The following DNAJC15 variants were observed in gnomAD, a reference collection of about 807,000 sequenced individuals.
DNAJC15 encodes the protein dnaJ homolog subfamily C member 15.
DNAJC15 carries 27 observed loss-of-function variants against 22.4 expected under a neutral mutation model. The ratio of observed to expected loss-of-function variants is 1.20; its 90% CI spans 0.89 to 1.66. DNAJC15 has a LOEUF of 1.66. Ranked by LOEUF, DNAJC15 falls within the 40% of genes most tolerant of loss-of-function variation. DNAJC15 has a pLI of 0.00. For missense variants in DNAJC15, 208 were observed against 187.1 expected, an observed-to-expected ratio of 1.11 and a Z score of -0.65; for synonymous variants, 79 against 63.2, an observed-to-expected ratio of 1.25 and a Z score of -1.19.
At chr13:43,083,848 T>A (rs1007101965) in intron 4 of DNAJC15, among the ~76,000 whole-genome samples, 1 of 152,214 alleles carries the variant, frequency 6.6e-6, no homozygotes, top group African/African-American at 2.4e-5. Flanking sequence ...TTTAGAATGC[T>A]GCTTCAAAGA....
At chr13:43,044,242 C>G (rs2040466284) in intron 1 of DNAJC15, among the ~76,000 whole-genome samples, 1 of 152,108 alleles carries the variant, frequency 6.6e-6, no homozygotes, top group Non-Finnish European at 1.5e-5. Flanking sequence ...AAGTGATTTG[C>G]TTGTGATTAA....
chr13:43,099,135 T>C (rs908913107), intron 5 of DNAJC15, among the ~76,000 whole-genome samples: 1 of 152,186 alleles, frequency 6.6e-6, no homozygotes, highest in Non-Finnish European at 1.5e-5. Context: ...ATTCCTATTT[T>C]ATTCTTTTTA....
chr13:43,043,630 AT>A (rs1381816589), intron 1 of DNAJC15, among the ~76,000 whole-genome samples: 1 of 152,206 alleles, frequency 6.6e-6, no homozygotes, highest in Non-Finnish European at 1.5e-5. Context: ...AGTAACATTC[AT>A]TTGGGGTAAG....
Position 43,068,965 on chromosome 13 carries a change from C to A in DNAJC15, c.196C>A (p.Gln66Lys). 6.2e-7 allele frequency: 1 copy of A among 1,613,002 alleles called. No homozygotes were observed. The highest frequency in any genetic ancestry group is 8.5e-7 in the Non-Finnish European group (1 of 1,179,464). Residue 66 changes from glutamine (Q) to lysine (K), a missense_variant, in exon 3 of 6, where the codon CAA becomes AAA. Gln to Lys is a moderately conservative substitution (Grantham distance 53). Transcript: ENST00000379221. Reference protein sequence around the residue: ...YAFRIWKPLEQVITETAKKIS... With the variant: ...YAFRIWKPLEKVITETAKKIS... ...ATTTCGGATCTGGAAACCTCTAGAA[C>A]AAGTTATCACAGAAACTGCAAAGAA...
intron 5 of DNAJC15, among the ~76,000 whole-genome samples, chr13:43,087,224 G>A (rs2040692876): frequency 6.6e-6 from 1 of 152,062 alleles, no homozygotes; most frequent in South Asian, 2.1e-4. Flanking sequence ...GACAACTGTG[G>A]ACTTTTTTTC....
rs140377564 is a variant in DNAJC15 at position 43,066,723 on chromosome 13, T to C, written c.160+986T>C. 7.5e-3 allele frequency among the ~76,000 whole-genome samples: 1,149 copies of C among 152,212 alleles called. 16 individuals carry two copies. The highest frequency in any genetic ancestry group is 0.026 in the African/African-American group (1,087 of 41,536). ...CTTCAAGCTCCGCCTCCCGGGTTCA[T>C]GCCATTCTCCTGCCTCAGCCTCCCG... On this transcript the variant is annotated intron_variant, in intron 2 of 5. Transcript: ENST00000379221.
At chr13:43,040,452 G>A (rs930692429) in intron 1 of DNAJC15, among the ~76,000 whole-genome samples, 3 of 152,196 alleles carry the variant, frequency 2.0e-5, no homozygotes, top group African/African-American at 7.2e-5. Flanking sequence ...ATGTTAAGTA[G>A]ATGGAAGTTG....
intron 5 of DNAJC15, among the ~76,000 whole-genome samples, chr13:43,092,758 A>T (rs1045914426): frequency 3.3e-5 from 5 of 152,126 alleles, no homozygotes; most frequent in African/African-American, 7.2e-5. Flanking sequence ...GTAAAAATTT[A>T]AAAAAATTAG....
intron 3 of DNAJC15, among the ~76,000 whole-genome samples, chr13:43,069,360 C>T (rs998972713): frequency 6.6e-6 from 1 of 152,158 alleles, no homozygotes; most frequent in Non-Finnish European, 1.5e-5. Context: ...AGCTGATGAA[C>T]AAAGAAGACA....
intron 2 of DNAJC15, among the ~76,000 whole-genome samples, chr13:43,066,073 A>G (rs1453371184): frequency 1.3e-5 from 2 of 151,998 alleles, no homozygotes; most frequent in African/African-American, 4.8e-5. Flanking sequence ...TTATTCTCCC[A>G]TATTTATTTT....
chr13:43,083,820 T>C (rs576846958), intron 4 of DNAJC15, among the ~76,000 whole-genome samples: 1 of 152,298 alleles, frequency 6.6e-6, no homozygotes, highest in East Asian at 1.9e-4. Flanking sequence ...GGGAGGTACC[T>C]ACAAGCCAAA....
chr13:43,103,238 G>C (rs984345525), intron 5 of DNAJC15, among the ~76,000 whole-genome samples: 1 of 152,064 alleles, frequency 6.6e-6, no homozygotes, highest in Non-Finnish European at 1.5e-5. Flanking sequence ...AACAGACTCC[G>C]TTTCAATGTT....
At chr13:43,034,305 CTTTTTTTTTTTTTTTTT>C (rs753362468) in intron 1 of DNAJC15, among the ~76,000 whole-genome samples, 23 of 60,608 alleles carry the variant, frequency 3.8e-4, no homozygotes, top group African/African-American at 1.5e-3. Flanking sequence ...GAGATTTGTC[CTTTTTTTTTTTTTTTTT>C]TTTTTTTTTT....
In DNAJC15 at chr13:43,085,805, A is replaced by C. The variant is rs2040685195; in HGVS notation, c.349A>C (p.Arg117=). ...AGKAKIRTAH[R]RVMILNHPDK... ...CAAGGCTAAGATTAGAACAGCTCATAGGAGAGTCATGATTTTGAATCACCC... is the reference window on the plus strand; with the variant it reads ...CAAGGCTAAGATTAGAACAGCTCATCGGAGAGTCATGATTTTGAATCACCC... Residue 117 remains arginine (R), a synonymous_variant, in exon 5 of 6, where the codon AGG becomes CGG. Coordinates refer to ENST00000379221, the MANE Select transcript of DNAJC15 (RefSeq NM_013238.3). The C allele has an allele frequency of 6.2e-7, 1 of 1,613,716 alleles. No homozygotes were observed. The highest frequency in any genetic ancestry group is 1.7e-4 in the Middle Eastern group (1 of 6,052).
intron 2 of DNAJC15, among the ~76,000 whole-genome samples, chr13:43,068,206 G>T (rs774959443): frequency 2.0e-5 from 3 of 152,062 alleles, no homozygotes; most frequent in Non-Finnish European, 4.4e-5. Context: ...TCTGATTGGG[G>T]TGCAAAAGAT....
chr13:43,083,848 T>C (rs1007101965), intron 4 of DNAJC15, among the ~76,000 whole-genome samples: 5 of 152,214 alleles, frequency 3.3e-5, no homozygotes, highest in African/African-American at 9.6e-5. Flanking sequence ...TTTAGAATGC[T>C]GCTTCAAAGA....
chr13:43,080,522 G>A (rs10870768), intron 4 of DNAJC15, among the ~76,000 whole-genome samples: 31,921 of 152,176 alleles, frequency 0.21, 4,328 homozygotes, highest in Non-Finnish European at 0.3. Context: ...GTGAACATAT[G>A]TCTGCAACAC....
At chr13:43,067,484 T>G (rs1223327505) in intron 2 of DNAJC15, among the ~76,000 whole-genome samples, 1 of 152,204 alleles carries the variant, frequency 6.6e-6, no homozygotes, top group Non-Finnish European at 1.5e-5. Context: ...AGTTATGAAT[T>G]CAAATGTAAG....
chr13:43,090,038 C>A (rs2040706708), intron 5 of DNAJC15, among the ~76,000 whole-genome samples: 1 of 152,162 alleles, frequency 6.6e-6, no homozygotes, highest in African/African-American at 2.4e-5. Flanking sequence ...AAAATTAATT[C>A]TTAATGGATT....
Sources: allele counts gnomAD v4.1 joint callset (sites outside exome capture counted in the v4.1 genomes callset), GRCh38; gene constraint gnomAD v4.1.1; transcripts MANE v1.5; gene names NCBI Gene and HGNC (gene_info 2026-07-23, HGNC 2026-07-21).